The following HPSE2 variants were observed in gnomAD, a reference collection of about 807,000 sequenced individuals.
The protein encoded by HPSE2 is inactive heparanase-2.
A neutral mutation model predicts 60.5 loss-of-function variants in HPSE2; 38 were observed. That is an observed-to-expected ratio of 0.63 (90% CI 0.48 to 0.82). The LOEUF (loss-of-function observed/expected upper bound fraction) is 0.82. HPSE2 is among the 40% of genes least tolerant of loss of function. HPSE2 has a pLI of 0.00. For missense variants in HPSE2, 713 were observed against 740.4 expected, an observed-to-expected ratio of 0.96 and a Z score of 0.43; for synonymous variants, 295 against 293.2, an observed-to-expected ratio of 1.01 and a Z score of -0.06.
chr10:98,950,367 T>C (rs947539), intron 3 of HPSE2, among the ~76,000 whole-genome samples: 73,038 of 151,998 alleles, frequency 0.48, 19,643 homozygotes, highest in East Asian at 0.62. Context: ...GGCAGTCATA[T>C]TACAACCTGC....
At chr10:98,538,084 A>G (rs1943344108) in intron 9 of HPSE2, among the ~76,000 whole-genome samples, 1 of 152,188 alleles carries the variant, frequency 6.6e-6, no homozygotes, top group Non-Finnish European at 1.5e-5. Flanking sequence ...TCAATCACTT[A>G]GAAGATTCAC....
At chr10:98,462,160 G>T (rs918915034) in intron 11 of HPSE2, among the ~76,000 whole-genome samples, 3 of 152,062 alleles carry the variant, frequency 2.0e-5, no homozygotes, top group African/African-American at 7.2e-5. Context: ...TGTTTTTGTT[G>T]TTGTTGTTCT....
chr10:98,499,478 C>A (rs1941959404), intron 9 of HPSE2, among the ~76,000 whole-genome samples: 1 of 152,114 alleles, frequency 6.6e-6, no homozygotes, highest in East Asian at 1.9e-4. Context: ...TACCAAGCCA[C>A]CACTACAAGA....
intron 3 of HPSE2, among the ~76,000 whole-genome samples, chr10:98,934,607 C>T (rs893043091): frequency 6.9e-6 from 1 of 144,154 alleles, no homozygotes; most frequent in African/African-American, 2.8e-5. Flanking sequence ...CATTGGCCCC[C>T]AATTTCTTCT....
upstream of HPSE2, among the ~76,000 whole-genome samples, chr10:99,239,746 T>C (rs1849913597): frequency 2.0e-5 from 3 of 151,914 alleles, no homozygotes; most frequent in Admixed American, 2.0e-4. Flanking sequence ...GTCAACTTTT[T>C]ATATTATCTA....
At chr10:99,237,672 C>T (rs983191574), upstream of HPSE2, among the ~76,000 whole-genome samples, 2 of 152,138 alleles carry the variant, frequency 1.3e-5, no homozygotes, top group African/African-American at 4.8e-5. Flanking sequence ...TGGCTCCAGC[C>T]CTAAGGCCTG....
At chr10:98,713,105 G>A (rs371442669) in intron 5 of HPSE2, among the ~76,000 whole-genome samples, 128 of 152,076 alleles carry the variant, frequency 8.4e-4, no homozygotes, top group African/African-American at 3.0e-3. Context: ...GACTGCTCTA[G>A]CATGGTACTA....
chr10:99,167,537 A>G (rs1847131942), intron 2 of HPSE2, among the ~76,000 whole-genome samples: 1 of 152,126 alleles, frequency 6.6e-6, no homozygotes. Flanking sequence ...TTTTGCACTG[A>G]GTTGCCTTTG....
chr10:99,221,089 C>T (rs550730207), intron 2 of HPSE2, among the ~76,000 whole-genome samples: 10 of 152,212 alleles, frequency 6.6e-5, no homozygotes, highest in African/African-American at 2.4e-4. Flanking sequence ...AGGTGATCCG[C>T]CCGCCTCAGC....
At chr10:98,595,321 C>G in intron 9 of HPSE2, among the ~76,000 whole-genome samples, 1 of 151,976 alleles carries the variant, frequency 6.6e-6, no homozygotes, top group East Asian at 1.9e-4. Flanking sequence ...AGATGCCCAC[C>G]ACCACACCTG....
intron 3 of HPSE2, among the ~76,000 whole-genome samples, chr10:99,143,473 T>A (rs1245345659): frequency 6.6e-6 from 1 of 152,222 alleles, no homozygotes; most frequent in East Asian, 1.9e-4. Context: ...ACACATACTT[T>A]TGATTTGTTA....
At chr10:98,759,835 A>T (rs915007479) in intron 3 of HPSE2, among the ~76,000 whole-genome samples, 18 of 152,086 alleles carry the variant, frequency 1.2e-4, no homozygotes, top group African/African-American at 3.9e-4. Flanking sequence ...GAAAAATGCC[A>T]TTGGAATTTT....
intron 3 of HPSE2, among the ~76,000 whole-genome samples, chr10:98,766,820 G>T (rs1168038670): frequency 6.6e-6 from 1 of 152,072 alleles, no homozygotes; most frequent in African/African-American, 2.4e-5. Context: ...AGCTACTCAG[G>T]AGACTGAGAT....
chr10:99,037,948 A>G (rs1481492096), intron 3 of HPSE2, among the ~76,000 whole-genome samples: 2 of 152,190 alleles, frequency 1.3e-5, no homozygotes, highest in African/African-American at 4.8e-5. Context: ...AATGTTCAAT[A>G]TCACTAGCCA....
intron 3 of HPSE2, among the ~76,000 whole-genome samples, chr10:98,986,558 C>A (rs1452783538): frequency 2.6e-5 from 4 of 151,418 alleles, no homozygotes; most frequent in Non-Finnish European, 5.9e-5. Flanking sequence ...CTAAAATTCA[C>A]ACCCTAACAT....
intron 4 of HPSE2, among the ~76,000 whole-genome samples, chr10:98,727,019 C>T (rs957507148): frequency 2.6e-5 from 4 of 152,126 alleles, no homozygotes; most frequent in Non-Finnish European, 5.9e-5. Context: ...ATCTTCAGCT[C>T]ACCATTAAGC....
At chr10:99,186,427 G>A (rs1487599683) in intron 2 of HPSE2, among the ~76,000 whole-genome samples, 5 of 150,756 alleles carry the variant, frequency 3.3e-5, no homozygotes, top group East Asian at 2.0e-4. Flanking sequence ...CCTGTAGTCC[G>A]AGCTACTCAG....
At chr10:98,926,061 C>T (rs1436741738) in intron 3 of HPSE2, among the ~76,000 whole-genome samples, 1 of 151,928 alleles carries the variant, frequency 6.6e-6, no homozygotes, top group African/African-American at 2.4e-5. Context: ...GTCTTTTTGG[C>T]AGTAGAAGTA....
At chr10:99,206,134 G>T (rs1848736930) in intron 2 of HPSE2, among the ~76,000 whole-genome samples, 1 of 152,170 alleles carries the variant, frequency 6.6e-6, no homozygotes, top group Non-Finnish European at 1.5e-5. Flanking sequence ...GATAAATCCA[G>T]CATAAAGATC....
Sources: allele counts gnomAD v4.1 joint callset (sites outside exome capture counted in the v4.1 genomes callset), GRCh38; gene constraint gnomAD v4.1.1; transcripts MANE v1.5; gene names NCBI Gene and HGNC (gene_info 2026-07-23, HGNC 2026-07-21).